The following PDE3A variants were observed in gnomAD, a reference collection of about 807,000 sequenced individuals.
PDE3A encodes cGMP-inhibited 3',5'-cyclic phosphodiesterase 3A.
In PDE3A, 43 loss-of-function variants were observed where a neutral mutation model predicts 98.3. The ratio of observed to expected loss-of-function variants is 0.44; its 90% CI spans 0.34 to 0.56. The LOEUF (loss-of-function observed/expected upper bound fraction) is 0.56, where lower values mean the gene tolerates loss of function less well. Ranked by LOEUF, PDE3A falls within the 20% of genes least tolerant of loss-of-function variation. The pLI is 0.01. For synonymous variants in PDE3A, 663 were observed against 567.9 expected (o/e 1.17, Z -2.38); for missense variants, 1,427 against 1,440.7 (o/e 0.99, Z 0.15).
At chr12:20,669,482 C>T (rs1412240399) in intron 15 of PDE3A, among the ~76,000 whole-genome samples, 1 of 151,698 alleles carries the variant, frequency 6.6e-6, no homozygotes, top group African/African-American at 2.4e-5. Context: ...GGAAGCCCAT[C>T]AGACTAACAG....
At chr12:20,456,813 G>A (rs993355367) in intron 1 of PDE3A, among the ~76,000 whole-genome samples, 5 of 152,034 alleles carry the variant, frequency 3.3e-5, no homozygotes, top group Non-Finnish European at 5.9e-5. Flanking sequence ...AAGAATTAAC[G>A]CTATGGGCTT....
intron 1 of PDE3A, among the ~76,000 whole-genome samples, chr12:20,497,451 A>G (rs1207756027): frequency 1.3e-5 from 2 of 151,750 alleles, no homozygotes; most frequent in African/African-American, 2.4e-5. Context: ...TGTTAACAAG[A>G]TAAAGTCTTG....
chr12:20,470,388 T>C (rs1253027014), intron 1 of PDE3A, among the ~76,000 whole-genome samples: 4 of 152,146 alleles, frequency 2.6e-5, no homozygotes, highest in East Asian at 3.9e-4. Context: ...GAATTCATCA[T>C]GTCTGAGTGG....
intron 1 of PDE3A, among the ~76,000 whole-genome samples, chr12:20,475,178 A>AGTGT (rs71442249): frequency 0.064 from 5,955 of 92,340 alleles, 185 homozygotes; most frequent in East Asian, 0.26. Context: ...AATGTGTGTG[A>AGTGT]GTGTGTGTGT....
intron 14 of PDE3A, among the ~76,000 whole-genome samples, chr12:20,653,373 ATT>A (rs71039965): frequency 6.8e-6 from 1 of 147,576 alleles, no homozygotes; most frequent in African/African-American, 2.5e-5. Context: ...TCACTATTGC[ATT>A]TTTTTTTTTG....
chr12:20,368,991 T>C lies in PDE3A; in HGVS notation c.-294T>C, dbSNP rs1005705752. On this transcript the variant is annotated 5_prime_UTR_variant, in exon 1 of 16. Coordinates refer to ENST00000359062, the MANE Select transcript of PDE3A (RefSeq NM_000921.5). ...TGGAGCAGAGAATCTGTGAAAGATA[T>C]TCAAAGAGAGAAAAGGGGAATCCTG... Among the ~76,000 whole-genome samples, 1 of 152,142 alleles carries C rather than the reference T, an allele frequency of 6.6e-6. No homozygotes were observed. Among genetic ancestry groups the C allele is most frequent in the Non-Finnish European group, 1.5e-5 (1 of 68,030 alleles).
At chr12:20,564,797 T>A (rs1006866009) in intron 2 of PDE3A, among the ~76,000 whole-genome samples, 2 of 152,168 alleles carry the variant, frequency 1.3e-5, no homozygotes, top group Non-Finnish European at 2.9e-5. Flanking sequence ...TTAGTAGACA[T>A]GTTGTTTAAT....
chr12:20,566,578 G>A (rs185566886), intron 2 of PDE3A, among the ~76,000 whole-genome samples: 2 of 151,806 alleles, frequency 1.3e-5, no homozygotes, highest in Non-Finnish European at 3.0e-5. Flanking sequence ...ACAAACAGAT[G>A]GAGTAGAAAT....
rs1455491182 is a variant in PDE3A at position 20,419,813 on chromosome 12, A to G, written c.960+49569A>G. On this transcript the variant is annotated intron_variant, in intron 1 of 15. Coordinates refer to ENST00000359062, the MANE Select transcript of PDE3A (RefSeq NM_000921.5). ...AGTGCAGTGGCTGTGATCTCGGCTC[A>G]CTGCAACATCTGCCTCCGAGGTTCA... is the stretch of plus-strand genomic sequence containing the variant. Among the ~76,000 whole-genome samples, 7 of 143,552 alleles carry G rather than the reference A, an allele frequency of 4.9e-5. No individual in the cohort carries two copies. In the East Asian group the frequency reaches 1.5e-3, roughly 30 times the overall value. 94.2% of individuals were successfully genotyped at this position (143,552 alleles called of 152,430 possible).
At chr12:20,417,985 T>C (rs931670528) in intron 1 of PDE3A, among the ~76,000 whole-genome samples, 2 of 152,122 alleles carry the variant, frequency 1.3e-5, no homozygotes, top group African/African-American at 2.4e-5. Flanking sequence ...AGAGCCGGGA[T>C]TGGAATTGCA....
chr12:20,450,070 A>T (rs1945037636), intron 1 of PDE3A: 1 of 575,180 alleles, frequency 1.7e-6, no homozygotes. Context: ...AAGCTCCTTC[A>T]TCAGCCTTCT....
At position 20,685,174 on chromosome 12, in the gene PDE3A, A is replaced by G. The variant is rs1945921362; in HGVS notation, c.*4903A>G. Among the ~76,000 whole-genome samples the G allele has an allele frequency of 6.6e-6, 1 of 152,128 alleles. No homozygotes were observed. Among genetic ancestry groups the G allele is most frequent in the Non-Finnish European group, 1.5e-5 (1 of 68,020 alleles). Reference sequence around the variant, plus strand: ...ACGCCTGTAATCCCAGCACTTTGGGAGGCCAAGGCTGGTGGATCACCTGAG... The same window carrying G: ...ACGCCTGTAATCCCAGCACTTTGGGGGGCCAAGGCTGGTGGATCACCTGAG... On this transcript the variant is annotated 3_prime_UTR_variant, in exon 16 of 16. Transcript: ENST00000359062.
chr12:20,534,064 T>C (rs909508441), intron 1 of PDE3A, among the ~76,000 whole-genome samples: 2 of 152,144 alleles, frequency 1.3e-5, no homozygotes, highest in African/African-American at 4.8e-5. Context: ...CGACCTACTT[T>C]ATTTCTTCCT....
At chr12:20,508,634 T>A (rs1946160738) in intron 1 of PDE3A, among the ~76,000 whole-genome samples, 1 of 152,016 alleles carries the variant, frequency 6.6e-6, no homozygotes, top group Non-Finnish European at 1.5e-5. Flanking sequence ...AGTTTGAAAT[T>A]TGGCAAACAA....
At chr12:20,441,893 G>C (rs1056583524) in intron 1 of PDE3A, among the ~76,000 whole-genome samples, 2 of 152,040 alleles carry the variant, frequency 1.3e-5, no homozygotes, top group Non-Finnish European at 2.9e-5. Flanking sequence ...TGCATTTCTT[G>C]TTTCTTCCCA....
At chr12:20,575,058 C>A (rs893947986) in intron 2 of PDE3A, among the ~76,000 whole-genome samples, 1 of 151,860 alleles carries the variant, frequency 6.6e-6, no homozygotes, top group African/African-American at 2.4e-5. Flanking sequence ...ATGAGTAAGA[C>A]AAATTATTTG....
At chr12:20,442,929 A>G (rs925233173) in intron 1 of PDE3A, among the ~76,000 whole-genome samples, 6 of 152,160 alleles carry the variant, frequency 3.9e-5, no homozygotes, top group Non-Finnish European at 8.8e-5. Flanking sequence ...AATAGGTTGC[A>G]TTATTCTTAG....
At chr12:20,639,643 T>G (rs1305279525) in intron 9 of PDE3A, among the ~76,000 whole-genome samples, 1 of 152,144 alleles carries the variant, frequency 6.6e-6, no homozygotes, top group Non-Finnish European at 1.5e-5. Flanking sequence ...AGGAGACATG[T>G]GCAATGGAAA....
At chr12:20,599,537 T>C (rs1943540204) in intron 2 of PDE3A, among the ~76,000 whole-genome samples, 1 of 152,190 alleles carries the variant, frequency 6.6e-6, no homozygotes, top group African/African-American at 2.4e-5. Context: ...TAAATAAAAG[T>C]CAACGTATAA....
Sources: allele counts gnomAD v4.1 joint callset (sites outside exome capture counted in the v4.1 genomes callset), GRCh38; gene constraint gnomAD v4.1.1; transcripts MANE v1.5; gene names NCBI Gene and HGNC (gene_info 2026-07-23, HGNC 2026-07-21).